Variants in PTK2 observed in about 807,000 individuals in gnomAD.
The protein encoded by PTK2 is focal adhesion kinase 1.
PTK2 carries 45 observed loss-of-function variants against 150.1 expected under a neutral mutation model. The observed-to-expected ratio is 0.30, with a 90% CI of 0.24 to 0.38. The LOEUF (loss-of-function observed/expected upper bound fraction) is 0.38, where lower values mean the gene tolerates loss of function less well. PTK2 is among the 10% of genes least tolerant of loss of function. The pLI, the probability that PTK2 is intolerant of heterozygous loss-of-function variation, is 1.00. For synonymous variants in PTK2, 432 were observed against 449.2 expected (o/e 0.96, Z 0.48); for missense variants, 919 against 1,307.3 (o/e 0.70, Z 4.58).
At chr8:140,912,057 A>C (rs558070127) in intron 2 of PTK2, among the ~76,000 whole-genome samples, 1 of 152,170 alleles carries the variant, frequency 6.6e-6, no homozygotes, top group South Asian at 2.1e-4. Context: ...ACAAAACGAG[A>C]CCTTGGCTCT....
intron 23 of PTK2, among the ~76,000 whole-genome samples, chr8:140,714,384 G>A (rs568480001): frequency 2.6e-5 from 4 of 151,860 alleles, no homozygotes; most frequent in East Asian, 3.9e-4. Flanking sequence ...TCTGGAGGCC[G>A]AAGCAAAGGG....
intron 26 of PTK2, among the ~76,000 whole-genome samples, chr8:140,690,617 C>T (rs1432588069): frequency 6.6e-6 from 1 of 152,154 alleles, no homozygotes; most frequent in East Asian, 1.9e-4. Flanking sequence ...ACAAATCACT[C>T]AACCTTACCA....
intron 19 of PTK2, 35 bp downstream of exon 22, chr8:140,744,617 G>T: frequency 7.3e-7 from 1 of 1,368,940 alleles, no homozygotes; most frequent in Non-Finnish European, 1.0e-6. Flanking sequence ...CTACTTTTCA[G>T]AAGGGAACTT....
chr8:140,899,074 G>T (rs2100157442), intron 2 of PTK2, among the ~76,000 whole-genome samples: 1 of 152,090 alleles, frequency 6.6e-6, no homozygotes, highest in Non-Finnish European at 1.5e-5. Flanking sequence ...CCCATAAAAA[G>T]TCTAACCTAA....
chr8:140,960,009 T>C (rs2100182560), intron 1 of PTK2, among the ~76,000 whole-genome samples: 1 of 150,432 alleles, frequency 6.6e-6, no homozygotes, highest in Non-Finnish European at 1.5e-5. Context: ...AGTGAGACTC[T>C]GTCTCAAAAA....
At chr8:140,744,626 T>G (rs777901734) in intron 19 of PTK2, 26 bp downstream of exon 22, 2 of 1,425,970 alleles carry the variant, frequency 1.4e-6, no homozygotes, top group Non-Finnish European at 1.9e-6. Flanking sequence ...AGAAGGGAAC[T>G]TAACAGCTTT....
At chr8:140,805,030 G>C (rs2100097459) in intron 10 of PTK2, among the ~76,000 whole-genome samples, 1 of 152,120 alleles carries the variant, frequency 6.6e-6, no homozygotes, top group Non-Finnish European at 1.5e-5. Context: ...GCAGGGCTCT[G>C]TGCTGGGTGG....
At chr8:140,823,838 T>G (rs1422242474) in intron 8 of PTK2, among the ~76,000 whole-genome samples, 10 of 152,208 alleles carry the variant, frequency 6.6e-5, no homozygotes, top group African/African-American at 2.4e-4. Context: ...GGCCAGGCCC[T>G]GTATTTTCTT....
intron 5 of PTK2, among the ~76,000 whole-genome samples, chr8:140,852,987 T>C (rs925630931): frequency 6.6e-6 from 1 of 152,202 alleles, no homozygotes; most frequent in African/African-American, 2.4e-5. Flanking sequence ...GTGAAAAAAC[T>C]GGCCACCAAT....
intron 1 of PTK2, among the ~76,000 whole-genome samples, chr8:141,000,357 C>T (rs562187176): frequency 6.6e-6 from 1 of 152,184 alleles, no homozygotes; most frequent in Non-Finnish European, 1.5e-5. Context: ...GGGGACACGG[C>T]GGGCTTGGGG....
chr8:140,961,477 C>T (rs2100183150), intron 1 of PTK2, among the ~76,000 whole-genome samples: 1 of 151,908 alleles, frequency 6.6e-6, no homozygotes, highest in Non-Finnish European at 1.5e-5. Flanking sequence ...CTGGCTAACA[C>T]AGTGAAACCC....
At chr8:140,767,090 T>C (rs1198722178) in intron 14 of PTK2, among the ~76,000 whole-genome samples, 2 of 152,226 alleles carry the variant, frequency 1.3e-5, no homozygotes, top group Non-Finnish European at 2.9e-5. Flanking sequence ...CTTCAAGGAC[T>C]GTCTCATTTT....
chr8:140,893,356 T>C (rs1207206216), intron 2 of PTK2, among the ~76,000 whole-genome samples: 3 of 152,174 alleles, frequency 2.0e-5, no homozygotes, highest in Non-Finnish European at 4.4e-5. Flanking sequence ...ACAGCAGCAT[T>C]ATCCACAATA....
chr8:140,723,559 T>C (rs2100044169), intron 22 of PTK2, among the ~76,000 whole-genome samples: 1 of 152,232 alleles, frequency 6.6e-6, no homozygotes, highest in South Asian at 2.1e-4. Flanking sequence ...AACTAGAATG[T>C]GCAGAGTATC....
chr8:140,930,043 A>C (rs2100171149), intron 1 of PTK2, among the ~76,000 whole-genome samples: 1 of 152,210 alleles, frequency 6.6e-6, no homozygotes, highest in Admixed American at 6.5e-5. Flanking sequence ...CTGAGTACCC[A>C]GAAGTCTAAC....
chr8:140,662,402 T>C (rs1222164894), intron 31 of PTK2, among the ~76,000 whole-genome samples: 1 of 151,978 alleles, frequency 6.6e-6, no homozygotes, highest in Non-Finnish European at 1.5e-5. Context: ...TCAACTAGAG[T>C]AGGTGTTGAC....
intron 5 of PTK2, among the ~76,000 whole-genome samples, chr8:140,863,875 G>A (rs1459075468): frequency 1.3e-5 from 2 of 152,102 alleles, no homozygotes; most frequent in Non-Finnish European, 2.9e-5. Flanking sequence ...ATGTACAAAT[G>A]TCTTTCTGAT....
intron 27 of PTK2, 138 bp from the exon 31 acceptor site, chr8:140,675,637 G>T: frequency 1.5e-6 from 1 of 650,302 alleles, no homozygotes; most frequent in Non-Finnish European, 2.7e-6. Context: ...ACAGGGTTCT[G>T]CATAAGGTCT....
chr8:140,979,977 A>G (rs979509870), intron 1 of PTK2, among the ~76,000 whole-genome samples: 2 of 152,208 alleles, frequency 1.3e-5, no homozygotes, highest in African/African-American at 4.8e-5. Context: ...AGGAGTCATT[A>G]TATTAGTGGT....
Sources: allele counts gnomAD v4.1 joint callset (sites outside exome capture counted in the v4.1 genomes callset), GRCh38; gene constraint gnomAD v4.1.1; transcripts MANE v1.5; gene names NCBI Gene and HGNC (gene_info 2026-07-23, HGNC 2026-07-21).